The following AFF3 variants were observed in gnomAD, a reference collection of about 807,000 sequenced individuals.
The protein encoded by AFF3 is AF4/FMR2 family member 3.
AFF3 carries 32 observed loss-of-function variants against 129.7 expected under a neutral mutation model. The ratio of observed to expected loss-of-function variants is 0.25; its 90% CI spans 0.19 to 0.33. AFF3 has a LOEUF of 0.33. Among genes scored for constraint, AFF3 ranks in the 10% least tolerant of loss-of-function variants. AFF3 has a pLI of 1.00. For missense variants in AFF3, 1,373 were observed against 1,592.0 expected (o/e 0.86, Z 2.34); for synonymous variants, 644 against 635.4 (o/e 1.01, Z -0.20).
chr2:99,691,346 T>C (rs1675631747), intron 11 of AFF3, among the ~76,000 whole-genome samples: 2 of 152,342 alleles, frequency 1.3e-5, no homozygotes, highest in South Asian at 4.1e-4. Flanking sequence ...ATGTTGCTCC[T>C]GAACTCCTGC....
chr2:99,928,623 T>C (rs1357556351), intron 7 of AFF3, among the ~76,000 whole-genome samples: 1 of 152,222 alleles, frequency 6.6e-6, no homozygotes, highest in Non-Finnish European at 1.5e-5. Context: ...TAAGTTAGGT[T>C]CCTCTTTTTA....
rs76537829 is a variant in AFF3 at position 99,745,484 on chromosome 2, T to A, written c.1003-1344A>T. 1.4e-3 allele frequency among the ~76,000 whole-genome samples: 219 copies of A among 152,332 alleles called. 1 individual carries two copies. The highest frequency in any genetic ancestry group is 5.0e-3 in the African/African-American group (206 of 41,580). ...GAATCCATTGCCAAATCCAAGGTCATGAAGATTTAAACCTATGTTTTCCTC... is the reference window on the plus strand; with the variant it reads ...GAATCCATTGCCAAATCCAAGGTCAAGAAGATTTAAACCTATGTTTTCCTC... On this transcript the variant is annotated intron_variant, in intron 9 of 24. Transcript: ENST00000672756.
intron 11 of AFF3, among the ~76,000 whole-genome samples, chr2:99,681,715 G>A (rs554440635): frequency 2.6e-5 from 4 of 152,074 alleles, no homozygotes; most frequent in Admixed American, 6.6e-5. Context: ...ACCACATCTC[G>A]TTCCTTGATC....
chr2:100,111,854 T>C (rs1447589880), intron 2 of AFF3, among the ~76,000 whole-genome samples: 1 of 152,236 alleles, frequency 6.6e-6, no homozygotes, highest in Non-Finnish European at 1.5e-5. Context: ...TGCTACCCAT[T>C]GCAGCAGTTC....
chr2:99,568,628 T>C (rs377763342), intron 19 of AFF3, among the ~76,000 whole-genome samples: 1 of 152,240 alleles, frequency 6.6e-6, no homozygotes, highest in Non-Finnish European at 1.5e-5. Flanking sequence ...TAGGACTAAA[T>C]TGAAATATTC....
At chr2:99,787,207 A>G (rs764706396) in intron 8 of AFF3, among the ~76,000 whole-genome samples, 5 of 152,112 alleles carry the variant, frequency 3.3e-5, no homozygotes, top group Non-Finnish European at 7.4e-5. Context: ...ACTCACTCCA[A>G]CCGAAGCCAG....
At chr2:100,028,060 G>A (rs1684189920) in intron 4 of AFF3, among the ~76,000 whole-genome samples, 1 of 151,798 alleles carries the variant, frequency 6.6e-6, no homozygotes, top group African/African-American at 2.4e-5. Context: ...TAATCATCAA[G>A]GAAATACAAA....
intron 7 of AFF3, among the ~76,000 whole-genome samples, chr2:99,920,569 T>C (rs532097643): frequency 4.5e-4 from 68 of 152,122 alleles, no homozygotes; most frequent in African/African-American, 1.6e-3. Flanking sequence ...TTAATGCACA[T>C]CTAGAAAAAA....
At chr2:99,697,487 A>C (rs952095104) in intron 11 of AFF3, among the ~76,000 whole-genome samples, 3 of 152,260 alleles carry the variant, frequency 2.0e-5, no homozygotes, top group Non-Finnish European at 2.9e-5. Flanking sequence ...CTACAGAGCA[A>C]ATATAGTGAG....
chr2:99,989,109 C>T (rs1195041902), intron 7 of AFF3, among the ~76,000 whole-genome samples: 1 of 152,186 alleles, frequency 6.6e-6, no homozygotes, highest in Non-Finnish European at 1.5e-5. Context: ...CTTTAACTAA[C>T]AGAATTACAG....
At chr2:99,975,246 ATCACTGACC>A (rs1477118318) in intron 7 of AFF3, among the ~76,000 whole-genome samples, 1 of 152,224 alleles carries the variant, frequency 6.6e-6, no homozygotes, top group Non-Finnish European at 1.5e-5. Context: ...GACCCAATGA[ATCACTGACC>A]TCTCATTTTT....
intron 4 of AFF3, among the ~76,000 whole-genome samples, chr2:100,043,700 C>A (rs902777471): frequency 6.6e-6 from 1 of 152,156 alleles, no homozygotes; most frequent in Non-Finnish European, 1.5e-5. Context: ...TCTACCAAAC[C>A]ATCAACTGTG....
At chr2:99,984,690 C>A (rs1363337278) in intron 7 of AFF3, among the ~76,000 whole-genome samples, 1 of 151,958 alleles carries the variant, frequency 6.6e-6, no homozygotes, top group Non-Finnish European at 1.5e-5. Context: ...CCCACCCCAC[C>A]AACCCCCCAA....
chr2:100,007,577 G>C, intron 5 of AFF3, 117 bp from the exon 6 acceptor site: 1 of 943,454 alleles, frequency 1.1e-6, no homozygotes, highest in Non-Finnish European at 1.6e-6. Context: ...AATGAGAGCT[G>C]AGAGATGAAA....
At chr2:100,035,815 T>C (rs1015083490) in intron 4 of AFF3, among the ~76,000 whole-genome samples, 2 of 152,160 alleles carry the variant, frequency 1.3e-5, no homozygotes, top group Non-Finnish European at 2.9e-5. Flanking sequence ...AATGGGGACA[T>C]AGTAAGGCAA....
At chr2:99,559,020 A>T in intron 21 of AFF3, 52 bp from the exon 22 acceptor site, 1 of 1,523,484 alleles carries the variant, frequency 6.6e-7, no homozygotes, top group Non-Finnish European at 9.1e-7. Flanking sequence ...CGTCGTGCGC[A>T]AACAAGACTT....
intron 19 of AFF3, among the ~76,000 whole-genome samples, chr2:99,566,671 T>A (rs1675999223): frequency 6.6e-6 from 1 of 152,254 alleles, no homozygotes; most frequent in Admixed American, 6.5e-5. Flanking sequence ...CTCATCAGTC[T>A]AAACTTATGC....
chr2:99,773,094 A>G (rs1285940997), intron 8 of AFF3, among the ~76,000 whole-genome samples: 1 of 152,150 alleles, frequency 6.6e-6, no homozygotes, highest in African/African-American at 2.4e-5. Flanking sequence ...CTACCCTTCT[A>G]TCACATCTTC....
At chr2:99,821,388 T>A (rs796083124) in intron 8 of AFF3, among the ~76,000 whole-genome samples, 34 of 152,262 alleles carry the variant, frequency 2.2e-4, no homozygotes, top group African/African-American at 7.7e-4. Flanking sequence ...ATGTTTTGGC[T>A]TCCCTGGGTA....
Sources: allele counts gnomAD v4.1 joint callset (sites outside exome capture counted in the v4.1 genomes callset), GRCh38; gene constraint gnomAD v4.1.1; transcripts MANE v1.5; gene names NCBI Gene and HGNC (gene_info 2026-07-23, HGNC 2026-07-21).